Variants in LINC00632 observed in about 807,000 individuals in gnomAD.
LINC00632 encodes long independently transcribed non-coding RNA 632.
intron 3 of LINC00632, among the ~76,000 whole-genome samples, chrX:140,744,566 T>TG (rs1273899747): frequency 1.0e-4 from 2 of 19,138 alleles, no homozygotes; most frequent in African/African-American, 3.9e-4. Flanking sequence ...GAGCTTTTTT[T>TG]TGGGGGGGGG....
At chrX:140,731,542 G>T (rs1049227668) in intron 2 of LINC00632, among the ~76,000 whole-genome samples, 11 of 111,754 alleles carry the variant, frequency 9.8e-5, no homozygotes, top group African/African-American at 3.3e-4. Context: ...TTATAAATTG[G>T]GGATGATGGT....
At position 140,770,974 on chromosome X, in the gene LINC00632, T is replaced by C. The variant is rs73576531; in HGVS notation, n.192-1104T>C. 2.7e-4 allele frequency among the ~76,000 whole-genome samples: 30 copies of C among 111,742 alleles called. 1 individual carries two copies. The highest frequency in any genetic ancestry group is 9.5e-4 in the African/African-American group (29 of 30,648). On this transcript the variant is annotated intron_variant and non_coding_transcript_variant, in intron 3 of 4. Coordinates refer to ENST00000648200, the Ensembl canonical transcript of LINC00632. ...GATCAACTAAGATCAGCTTGAGGACTCAACCTGGTTACCCAGGAGTTATGG... is the reference window on the plus strand; with the variant it reads ...GATCAACTAAGATCAGCTTGAGGACCCAACCTGGTTACCCAGGAGTTATGG...
chrX:140,749,490 G>T (rs1004546086), intron 3 of LINC00632, among the ~76,000 whole-genome samples: 2 of 110,929 alleles, frequency 1.8e-5, no homozygotes, highest in African/African-American at 3.3e-5. Context: ...TTGAGGCTCA[G>T]TGAACTGCCC....
chrX:140,787,705 T>A (rs751707534), exon 5 of LINC00632, among the ~76,000 whole-genome samples: 2 of 111,555 alleles, frequency 1.8e-5, no homozygotes, highest in African/African-American at 3.2e-5. Context: ...TCTAATGGAA[T>A]ACTGTGTGGT....
At chrX:140,730,299 C>T (rs759672557) in intron 2 of LINC00632, among the ~76,000 whole-genome samples, 2 of 110,924 alleles carry the variant, frequency 1.8e-5, no homozygotes, top group African/African-American at 6.6e-5. Flanking sequence ...TTTGAATAAC[C>T]CACATACTTG....
intron 1 of LINC00632, among the ~76,000 whole-genome samples, chrX:140,711,135 CTCTGTGCTTCCAGTGCTTTTAT>C (rs2148373863): frequency 9.0e-6 from 1 of 111,712 alleles, no homozygotes; most frequent in East Asian, 2.8e-4. Flanking sequence ...ACGCCTTCCT[CTCTGTGCTTCCAGTGCTTTTAT>C]ACACTTACTA....
chrX:140,777,670 TG>T (rs1343513265), exon 5 of LINC00632, among the ~76,000 whole-genome samples: 1 of 112,247 alleles, frequency 8.9e-6, no homozygotes, highest in African/African-American at 3.2e-5. Context: ...AAAATATAAA[TG>T]GTAGTGGGCC....
chrX:140,765,907 T>A (rs1931683025), intron 3 of LINC00632, among the ~76,000 whole-genome samples: 2 of 111,884 alleles, frequency 1.8e-5, no homozygotes, highest in Non-Finnish European at 3.8e-5. Context: ...AAGAGGAAGA[T>A]CTGTAAAAGA....
At chrX:140,784,514 T>C (rs1931988605) in exon 5 of LINC00632, 2 of 644,263 alleles carry the variant, frequency 3.1e-6, no homozygotes, top group Admixed American at 3.2e-5. Context: ...TCTCCACGTC[T>C]TCCAGCATCT....
chrX:140,742,402 T>C (rs1484502630), intron 3 of LINC00632, among the ~76,000 whole-genome samples: 3 of 111,568 alleles, frequency 2.7e-5, no homozygotes, highest in African/African-American at 9.8e-5. Flanking sequence ...GTGACTTTCC[T>C]ATTGGCAAAG....
rs749193341 is a variant in LINC00632, at chrX:140,769,282, A to G, written n.192-2796A>G. Among the ~76,000 whole-genome samples, 147 of 111,762 alleles carry G rather than the reference A, an allele frequency of 1.3e-3. 1 individual carries two copies. The highest frequency in any genetic ancestry group is 4.2e-3 in the African/African-American group (130 of 30,788). ...TATTTTAACAGTCTGGGGCCAGATC[A>G]TGGAGGGCCTCATAGGCCCCAATTG... On this transcript the variant is annotated intron_variant and non_coding_transcript_variant, in intron 3 of 4. Coordinates refer to ENST00000648200, the Ensembl canonical transcript of LINC00632.
intron 3 of LINC00632, among the ~76,000 whole-genome samples, chrX:140,750,120 C>G (rs926606577): frequency 3.6e-5 from 4 of 111,075 alleles, no homozygotes; most frequent in African/African-American, 1.3e-4. Flanking sequence ...TCATTTGGGA[C>G]AACATGGATG....
intron 3 of LINC00632, among the ~76,000 whole-genome samples, chrX:140,741,425 G>A (rs939054251): frequency 2.7e-5 from 3 of 111,912 alleles, no homozygotes; most frequent in Non-Finnish European, 5.6e-5. Flanking sequence ...GGGCTGGGTT[G>A]AGGCACCTGG....
chrX:140,728,837 CA>C (rs1192609274), intron 2 of LINC00632, among the ~76,000 whole-genome samples: 12 of 111,495 alleles, frequency 1.1e-4, no homozygotes, highest in Non-Finnish European at 2.3e-4. Context: ...ACGTGCTCCA[CA>C]ACACTCAGAC....
intron 2 of LINC00632, among the ~76,000 whole-genome samples, chrX:140,730,261 C>T (rs1294993496): frequency 9.0e-6 from 1 of 110,571 alleles, no homozygotes; most frequent in African/African-American, 3.3e-5. Flanking sequence ...ACAAGAAACT[C>T]CCTCACAGGA....
chrX:140,769,022 C>T (rs920697061), intron 3 of LINC00632, among the ~76,000 whole-genome samples: 2 of 109,103 alleles, frequency 1.8e-5, no homozygotes, highest in East Asian at 5.7e-4. Flanking sequence ...AGGAGAGGTA[C>T]AAATGTGATT....
chrX:140,728,807 A>T (rs1931008826), intron 2 of LINC00632, among the ~76,000 whole-genome samples: 1 of 111,442 alleles, frequency 9.0e-6, no homozygotes, highest in African/African-American at 3.3e-5. Flanking sequence ...CCCATGTGAG[A>T]TTCTCCCCAC....
chrX:140,742,859 GA>G (rs1931248685), intron 3 of LINC00632, among the ~76,000 whole-genome samples: 1 of 94,606 alleles, frequency 1.1e-5, no homozygotes. Context: ...GAGAGAGAGA[GA>G]GAGAGAGAGA....
At position 140,790,808 on chromosome X, in the gene LINC00632, T is replaced by G. The variant is rs1416140295; in HGVS notation, n.18827T>G. Among the ~76,000 whole-genome samples the G allele has an allele frequency of 6.3e-5, 7 of 111,974 alleles. No homozygotes were observed. In the East Asian group the frequency reaches 2.0e-3, roughly 31 times the overall value. On this transcript the variant is annotated non_coding_transcript_exon_variant, in exon 5 of 5. Transcript: ENST00000648200. Reference sequence around the variant, plus strand: ...ATTGCATTTTAAAAATTCATTATCATTAGTGCATAGAAAAGCTATTTAATA... The same window carrying G: ...ATTGCATTTTAAAAATTCATTATCAGTAGTGCATAGAAAAGCTATTTAATA...
Sources: gnomAD v4.1 joint callset for allele counts (sites outside exome capture counted in the v4.1 genomes callset) on GRCh38, gnomAD v4.1.1 for gene constraint, MANE v1.5 for transcripts, NCBI Gene and HGNC (gene_info 2026-07-23, HGNC 2026-07-21) for gene names.